Variants in CA8 observed in about 807,000 individuals in gnomAD.
CA8 encodes the protein carbonic anhydrase 8 (inactive), also known as carbonic anhydrase-related protein.
In CA8, 22 loss-of-function variants were observed where a neutral mutation model predicts 41.4. That is an observed-to-expected ratio of 0.53 (90% CI 0.38 to 0.76). CA8 has a LOEUF of 0.76. Among genes scored for constraint, CA8 ranks in the 30% least tolerant of loss-of-function variants. The pLI, the probability that CA8 is intolerant of heterozygous loss-of-function variation, is 0.00. For missense variants in CA8, 270 were observed against 352.8 expected (o/e 0.77, Z 1.88); for synonymous variants, 121 against 130.6 (o/e 0.93, Z 0.50).
intron 8 of CA8, 86 bp downstream of exon 8, chr8:60,208,664 A>G: frequency 8.5e-7 from 1 of 1,173,452 alleles, no homozygotes; most frequent in African/African-American, 1.5e-5. Flanking sequence ...TTATTACTAA[A>G]TTACCAGGAT....
At chr8:60,226,748 T>C (rs1420996497) in intron 5 of CA8, 125 bp downstream of exon 5, 2 of 687,250 alleles carry the variant, frequency 2.9e-6, no homozygotes, top group Non-Finnish European at 5.3e-6. Context: ...TAATAAACCA[T>C]AACCACAAGG....
At chr8:60,261,978 G>T (rs1033067692) in intron 3 of CA8, among the ~76,000 whole-genome samples, 2 of 152,194 alleles carry the variant, frequency 1.3e-5, no homozygotes, top group African/African-American at 4.8e-5. Flanking sequence ...CCAAAGTGCT[G>T]GGATTACAGG....
intron 7 of CA8, among the ~76,000 whole-genome samples, chr8:60,213,982 T>G (rs111632782): frequency 6.6e-6 from 1 of 152,146 alleles, no homozygotes; most frequent in African/African-American, 2.4e-5. Context: ...AAAGTTTAAG[T>G]TGTCAGCAAC....
chr8:60,189,076 G>A lies in CA8; in HGVS notation c.*945C>T, dbSNP rs1006008197. On this transcript the variant is annotated 3_prime_UTR_variant, in exon 9 of 9. Coordinates refer to ENST00000317995, the MANE Select transcript of CA8 (RefSeq NM_004056.6). Reference sequence around the variant, plus strand: ...CACATCTAACGGCAACTAAGTATACGCTTACATCTGCTAGTGGCACCTAAA... The same window carrying A: ...CACATCTAACGGCAACTAAGTATACACTTACATCTGCTAGTGGCACCTAAA... 6.6e-6 allele frequency: 1 copy of A among 151,992 alleles called. No homozygotes were observed. 9.4% of individuals were successfully genotyped at this position (151,992 alleles called of 1,614,324 possible). A position where few individuals can be genotyped will look rare whatever the true frequency, so the allele number is the denominator to read the frequency against.
At chr8:60,211,099 C>T (rs1806819034) in intron 7 of CA8, among the ~76,000 whole-genome samples, 1 of 152,184 alleles carries the variant, frequency 6.6e-6, no homozygotes, top group Admixed American at 6.5e-5. Flanking sequence ...GATCAAATGA[C>T]TTCACCTCTT....
chr8:60,243,715 C>T (rs1282807076), intron 3 of CA8, among the ~76,000 whole-genome samples: 1 of 152,170 alleles, frequency 6.6e-6, no homozygotes, highest in Admixed American at 6.5e-5. Flanking sequence ...CTGCAGCAGC[C>T]GGTAGCCTTG....
intron 3 of CA8, among the ~76,000 whole-genome samples, chr8:60,253,711 G>A (rs983904705): frequency 2.0e-5 from 3 of 152,028 alleles, no homozygotes; most frequent in East Asian, 1.9e-4. Context: ...ACAGCATGAG[G>A]AGACCAGCAT....
intron 8 of CA8, among the ~76,000 whole-genome samples, chr8:60,197,661 G>T (rs755019162): frequency 6.6e-5 from 10 of 152,178 alleles, no homozygotes; most frequent in South Asian, 2.1e-4. Flanking sequence ...CAGTGCTGGG[G>T]ATGCTATCAC....
At position 60,226,939 on chromosome 8, in the gene CA8, A is replaced by G; in HGVS notation, c.514-4T>C. The G allele has an allele frequency of 6.3e-7, 1 of 1,597,128 alleles. No individual in the cohort carries two copies. The highest frequency in any genetic ancestry group is 8.6e-7 in the Non-Finnish European group (1 of 1,164,998). On this transcript the variant is annotated splice_region_variant and splice_polypyrimidine_tract_variant and intron_variant, in intron 4 of 8. Coordinates refer to ENST00000317995, the MANE Select transcript of CA8 (RefSeq NM_004056.6). ...AGCCAACATGTTCCTTTCCTATCTG[A>G]AAAACATAAAGCATAAACCACAACC...
chr8:60,242,558 A>G (rs79110056), intron 3 of CA8, among the ~76,000 whole-genome samples: 3,724 of 152,294 alleles, frequency 0.024, 158 homozygotes, highest in African/African-American at 0.085. Flanking sequence ...CCGCAAAGAC[A>G]AGAAAAACTA....
chr8:60,253,774 G>A (rs1383474459), intron 3 of CA8, among the ~76,000 whole-genome samples: 3 of 152,042 alleles, frequency 2.0e-5, no homozygotes, highest in Non-Finnish European at 2.9e-5. Flanking sequence ...CCCCAGCCTT[G>A]TTTACCCAGC....
chr8:60,237,815 G>A lies in CA8; in HGVS notation c.418-5436C>T, dbSNP rs149492396. ...TCAGGGTAGAAGAAAGTGGTTTTCC[G>A]TAACAATTAAAGCTGAGTCCTTCCT... On this transcript the variant is annotated intron_variant, in intron 3 of 8. Coordinates refer to ENST00000317995, the MANE Select transcript of CA8 (RefSeq NM_004056.6). 1.1e-4 allele frequency among the ~76,000 whole-genome samples: 16 copies of A among 152,316 alleles called. No homozygotes were observed. In the East Asian group the frequency reaches 2.3e-3, roughly 22 times the overall value.
At chr8:60,206,764 T>G (rs1806599601) in intron 8 of CA8, among the ~76,000 whole-genome samples, 1 of 151,786 alleles carries the variant, frequency 6.6e-6, no homozygotes, top group Admixed American at 6.6e-5. Context: ...GCACAGAGAG[T>G]GCCCATCCTC....
chr8:60,203,537 A>G (rs940648997), intron 8 of CA8, among the ~76,000 whole-genome samples: 3 of 152,068 alleles, frequency 2.0e-5, no homozygotes, highest in Non-Finnish European at 2.9e-5. Context: ...TTTTGATTCT[A>G]TTTTCCCTCT....
At chr8:60,267,339 T>C (rs1174333553) in intron 2 of CA8, among the ~76,000 whole-genome samples, 1 of 152,128 alleles carries the variant, frequency 6.6e-6, no homozygotes, top group Non-Finnish European at 1.5e-5. Flanking sequence ...ACAAATCTAC[T>C]CCCAAGCTTT....
At chr8:60,239,578 C>T (rs1807946797) in intron 3 of CA8, among the ~76,000 whole-genome samples, 1 of 152,196 alleles carries the variant, frequency 6.6e-6, no homozygotes, top group African/African-American at 2.4e-5. Context: ...TCCTGGGCTG[C>T]ATGTGGCCCA....
At chr8:60,247,292 G>A (rs781615753) in intron 3 of CA8, among the ~76,000 whole-genome samples, 20 of 149,312 alleles carry the variant, frequency 1.3e-4, no homozygotes, top group African/African-American at 1.8e-4. Context: ...TACATATGCC[G>A]GATTGTTACA....
intron 2 of CA8, among the ~76,000 whole-genome samples, chr8:60,268,146 C>G (rs1803959123): frequency 1.3e-5 from 2 of 152,184 alleles, no homozygotes; most frequent in African/African-American, 4.8e-5. Context: ...TATAACTCCA[C>G]TTCTAAAACA....
At chr8:60,190,939 T>TAG in intron 8 of CA8, among the ~76,000 whole-genome samples, 1 of 39,004 alleles carries the variant, frequency 2.6e-5, no homozygotes, top group South Asian at 5.9e-4. Context: ...ACACACACAC[T>TAG]ATATATATAT....
Sources: allele counts gnomAD v4.1 joint callset (sites outside exome capture counted in the v4.1 genomes callset), GRCh38; gene constraint gnomAD v4.1.1; transcripts MANE v1.5; gene names NCBI Gene and HGNC (gene_info 2026-07-23, HGNC 2026-07-21).